Variants in PHC3 observed in about 807,000 individuals in gnomAD.
PHC3 encodes polyhomeotic-like protein 3.
Under a neutral mutation model 107.4 loss-of-function variants are expected in PHC3, and 13 were observed. The observed-to-expected ratio is 0.12, with a 90% CI of 0.08 to 0.19. PHC3 has a LOEUF of 0.19. Ranked by LOEUF, PHC3 falls within the 10% of genes least tolerant of loss-of-function variation. The pLI is 1.00. For missense variants in PHC3, 992 were observed against 1,210.9 expected (o/e 0.82, Z 2.68); for synonymous variants, 456 against 427.4 (o/e 1.07, Z -0.83).
In PHC3 at chr3:170,129,294, G is replaced by A. The variant is rs201643024; in HGVS notation, c.1178C>T (p.Pro393Leu). The stretch of plus-strand genomic sequence containing the variant: ...TGACTGATTAGGAGACACTGTTAAA[G>A]GAGAGGGATGACTCTGAATCGGTGA... ...HCSPIQSHPS[P>L]LTVSPNQSQS... Residue 393 changes from proline to leucine, a missense_variant, in exon 8 of 15, where the codon CCT (proline) becomes CTT (leucine). Physicochemically the swap from Pro to Leu is moderately conservative, Grantham distance 98 (BLOSUM62 -3). Coordinates refer to ENST00000495893, the MANE Select transcript of PHC3 (RefSeq NM_024947.4). 23 of 1,614,034 alleles carry A rather than the reference G, an allele frequency of 1.4e-5. No homozygotes were observed. The East Asian group carries it at 5.1e-4, about 36-fold the overall frequency.
chr3:170,095,752 T>C lies in PHC3; in HGVS notation c.*1478A>G, dbSNP rs1447890804. 6.6e-6 allele frequency: 1 copy of C among 152,218 alleles called. No homozygotes were observed. Among genetic ancestry groups the C allele is most frequent in the East Asian group, 1.9e-4 (1 of 5,204 alleles). 9.4% of individuals were successfully genotyped at this position (152,218 alleles called of 1,614,324 possible). ...ATAAAATTTTTGATGTCCAGGACTA[T>C]AAAGCTTTCAGGGCTTCCACAAACA... On this transcript the variant is annotated 3_prime_UTR_variant, in exon 15 of 15. Transcript: ENST00000495893.
At chr3:170,143,444 GAAAT>G (rs1445631954) in intron 6 of PHC3, among the ~76,000 whole-genome samples, 1 of 152,092 alleles carries the variant, frequency 6.6e-6, no homozygotes, top group Non-Finnish European at 1.5e-5. Context: ...ACTTGTAAAT[GAAAT>G]AATATATAGA....
At chr3:170,166,890 A>T (rs1176329120) in intron 4 of PHC3, among the ~76,000 whole-genome samples, 3 of 152,050 alleles carry the variant, frequency 2.0e-5, no homozygotes, top group African/African-American at 7.2e-5. Context: ...GCTAGACTCA[A>T]GTGATCCCCC....
chr3:170,110,855 C>T lies in PHC3; in HGVS notation c.2353+2505G>A, dbSNP rs115774824. On this transcript the variant is annotated intron_variant, in intron 11 of 14. Transcript: ENST00000495893. Reference sequence around the variant, plus strand: ...TTCCTATTGTGTACACAGGGAGACACATTATAAATACTTTTTAGCCTAGAA... The same window carrying T: ...TTCCTATTGTGTACACAGGGAGACATATTATAAATACTTTTTAGCCTAGAA... Among the ~76,000 whole-genome samples, 903 of 152,192 alleles carry T rather than the reference C, an allele frequency of 5.9e-3. 9 individuals carry two copies. The highest frequency in any genetic ancestry group is 0.021 in the African/African-American group (856 of 41,526).
intron 7 of PHC3, among the ~76,000 whole-genome samples, chr3:170,135,801 G>GACTT: frequency 6.6e-6 from 1 of 152,264 alleles, no homozygotes; most frequent in East Asian, 1.9e-4. Flanking sequence ...GAACAGAAGA[G>GACTT]ACAGTAAGCT....
At chr3:170,135,107 T>C (rs138729020) in intron 7 of PHC3, among the ~76,000 whole-genome samples, 170 of 152,288 alleles carry the variant, frequency 1.1e-3, no homozygotes, top group African/African-American at 3.8e-3. Context: ...AAAAGATGCT[T>C]ACCCGATGAG....
At chr3:170,180,148 CAA>C (rs1220290778) in intron 1 of PHC3, among the ~76,000 whole-genome samples, 1,780 of 82,824 alleles carry the variant, frequency 0.021, 36 homozygotes, top group African/African-American at 0.069. Flanking sequence ...AAAAACCGAA[CAA>C]AAAAAAAAAA....
intron 8 of PHC3, among the ~76,000 whole-genome samples, chr3:170,126,528 A>ATATATTTTTTTTTTTTTTTTTTT (rs370421296): frequency 1.1e-5 from 1 of 90,638 alleles, no homozygotes; most frequent in African/African-American, 4.5e-5. Flanking sequence ...ATATATATAT[A>ATATATTTTTTTTTTTTTTTTTTT]TTTTTTTTTT....
chr3:170,097,514 A>G lies in PHC3; in HGVS notation c.2834-130T>C. 1.1e-6 allele frequency: 1 copy of G among 869,744 alleles called. No individual in the cohort carries two copies. The highest frequency in any genetic ancestry group is 1.6e-6 in the Non-Finnish European group (1 of 612,396). The allele number at this position is 869,744 out of a possible 1,614,324, so 53.9% of individuals were successfully genotyped here. ...ACAGGCTGAGAAACAAATGAAATTTATTTATGGTAGTCTTGAGTTCACTCT... is the reference window on the plus strand; with the variant it reads ...ACAGGCTGAGAAACAAATGAAATTTGTTTATGGTAGTCTTGAGTTCACTCT... On this transcript the variant is annotated intron_variant, in intron 14 of 14. Coordinates refer to ENST00000495893, the MANE Select transcript of PHC3 (RefSeq NM_024947.4). This position sits in a 1 kb window ranked among gnomAD's most constrained non-coding sequence, Gnocchi z 4.1.
intron 2 of PHC3, 76 bp from the exon 3 acceptor site, chr3:170,172,788 AAG>A: frequency 6.7e-7 from 1 of 1,494,400 alleles, no homozygotes; most frequent in South Asian, 1.3e-5. Flanking sequence ...AAGTATAAAA[AAG>A]TGGCAGTTTA....
chr3:170,142,386 CA>C (rs780188180), intron 6 of PHC3, among the ~76,000 whole-genome samples: 1 of 151,692 alleles, frequency 6.6e-6, no homozygotes, highest in Non-Finnish European at 1.5e-5. Flanking sequence ...TGAATTTGAC[CA>C]AAATCAATCT....
intron 7 of PHC3, among the ~76,000 whole-genome samples, chr3:170,134,516 A>G (rs1159270016): frequency 6.6e-6 from 1 of 152,122 alleles, no homozygotes; most frequent in East Asian, 1.9e-4. Flanking sequence ...TTTATACATT[A>G]TATCAAAGCC....
intron 6 of PHC3, among the ~76,000 whole-genome samples, chr3:170,139,045 A>G (rs1193601961): frequency 6.6e-6 from 1 of 152,220 alleles, no homozygotes; most frequent in Non-Finnish European, 1.5e-5. Context: ...TCTTCCTTCT[A>G]GAACAACTTT....
rs1238813519 is a variant in PHC3, at chr3:170,129,182, T to C, written c.1290A>G (p.Ala430=). The C allele has an allele frequency of 1.2e-5, 20 of 1,613,714 alleles. No individual in the cohort carries two copies. The highest frequency in any genetic ancestry group is 1.6e-5 in the Non-Finnish European group (19 of 1,179,862). ...ACACAAGAGGGTGTGGCTGAATAAG[T>C]GCTTGTGGATGAATAATTATAGTAG... ...QSPTIIIHPQ[A]LIQPHPLVSS... Residue 430 remains alanine (A), a synonymous_variant, in exon 8 of 15, where the codon GCA becomes GCG. Coordinates refer to ENST00000495893, the MANE Select transcript of PHC3 (RefSeq NM_024947.4).
chr3:170,162,222 T>C (rs990703703), intron 4 of PHC3, among the ~76,000 whole-genome samples: 1 of 152,188 alleles, frequency 6.6e-6, no homozygotes, highest in Non-Finnish European at 1.5e-5. Flanking sequence ...TCAAGTACTC[T>C]TGTGACATGA....
At chr3:170,145,583 T>C in intron 5 of PHC3, 62 bp from the exon 6 acceptor site, 1 of 1,207,332 alleles carries the variant, frequency 8.3e-7, no homozygotes, top group Non-Finnish European at 1.2e-6. Flanking sequence ...ACACACAATG[T>C]GTAGCAGGCA....
chr3:170,088,780 C>G lies in PHC3; in HGVS notation c.*8450G>C, dbSNP rs1713759809. The G allele has an allele frequency of 6.6e-6, 1 of 152,212 alleles. No homozygotes were observed. Among genetic ancestry groups the G allele is most frequent in the Non-Finnish European group, 1.5e-5 (1 of 68,026 alleles). The allele number at this position is 152,212 out of a possible 1,614,324, so 9.4% of individuals were successfully genotyped here. A position where few individuals can be genotyped will look rare whatever the true frequency, so the allele number is the denominator to read the frequency against. ...TTTTGAAACCCAGATTATCTGGCTA[C>G]TTAGATGATAGTCTTCCTGTTTTCA... On this transcript the variant is annotated 3_prime_UTR_variant, in exon 15 of 15. Transcript: ENST00000495893.
intron 6 of PHC3, among the ~76,000 whole-genome samples, chr3:170,143,964 C>T (rs1286220292): frequency 6.6e-6 from 1 of 151,774 alleles, no homozygotes; most frequent in Non-Finnish European, 1.5e-5. Context: ...GAACCTTATA[C>T]CAAGGTTCTT....
chr3:170,177,331 T>C (rs1187158955), intron 2 of PHC3, among the ~76,000 whole-genome samples: 5 of 152,188 alleles, frequency 3.3e-5, no homozygotes, highest in African/African-American at 1.2e-4. Flanking sequence ...CATAATCCTA[T>C]AAACTACATG....
Sources: gnomAD v4.1 joint callset for allele counts (sites outside exome capture counted in the v4.1 genomes callset) on GRCh38, gnomAD v4.1.1 for gene constraint, Gnocchi (gnomAD v3.1) non-coding constraint, MANE v1.5 for transcripts, NCBI Gene and HGNC (gene_info 2026-07-23, HGNC 2026-07-21) for gene names.